SYNPO2: variants seen among roughly 807,000 people sequenced by gnomAD.
SYNPO2 encodes the protein synaptopodin-2.
In SYNPO2, 56 loss-of-function variants were observed where a neutral mutation model predicts 85.0. That is an observed-to-expected ratio of 0.66 (90% CI 0.53 to 0.82). The LOEUF (loss-of-function observed/expected upper bound fraction) is 0.82, where lower values mean the gene tolerates loss of function less well. Among genes scored for constraint, SYNPO2 ranks in the 40% least tolerant of loss-of-function variants. SYNPO2 has a pLI of 0.00. For missense variants in SYNPO2, 1,575 were observed against 1,534.2 expected (o/e 1.03, Z -0.44); for synonymous variants, 602 against 591.1 (o/e 1.02, Z -0.27).
chr4:118,866,701 C>G (rs928104428), intron 1 of SYNPO2, among the ~76,000 whole-genome samples: 1 of 152,140 alleles, frequency 6.6e-6, no homozygotes, highest in African/African-American at 2.4e-5. Context: ...AGAGTTTCCA[C>G]AAGATCTGGT....
chr4:118,917,612 G>T (rs1054872998), intron 1 of SYNPO2, among the ~76,000 whole-genome samples: 5 of 151,804 alleles, frequency 3.3e-5, no homozygotes, highest in African/African-American at 1.2e-4. Context: ...GAAACAATTT[G>T]GTCAAAACCA....
chr4:118,997,223 G>T (rs1197385941), intron 1 of SYNPO2, among the ~76,000 whole-genome samples: 1 of 100,600 alleles, frequency 9.9e-6, no homozygotes, highest in Non-Finnish European at 2.0e-5. Context: ...CTGGGCGACA[G>T]AGCGAGACTC....
intron 4 of SYNPO2, chr4:119,038,304 C>G (rs534097117): frequency 1.0e-6 from 1 of 985,006 alleles, no homozygotes; most frequent in Admixed American, 6.2e-5. Flanking sequence ...CTCAGAAAAT[C>G]AGATGCTATG....
chr4:118,900,723 A>ATGTCTG (rs1468599787), intron 1 of SYNPO2, among the ~76,000 whole-genome samples: 4 of 113,236 alleles, frequency 3.5e-5, no homozygotes, highest in African/African-American at 1.3e-4. Flanking sequence ...ATATATATAT[A>ATGTCTG]TATATATATG....
chr4:119,034,302 G>A, intron 4 of SYNPO2: 1 of 984,720 alleles, frequency 1.0e-6, no homozygotes, highest in Non-Finnish European at 1.2e-6. Flanking sequence ...CAGGTAGTCG[G>A]TTTGAGATCA....
At position 119,057,642 on chromosome 4, in the gene SYNPO2, G is replaced by T. The variant is rs765339636; in HGVS notation, c.3494G>T (p.Arg1165Leu). ...GTGGCAAATGTGGTTTCAGCAGCTCGGAGGAAGGTGCTTCCAGGGCCTCCA... is the reference window on the plus strand; with the variant it reads ...GTGGCAAATGTGGTTTCAGCAGCTCTGAGGAAGGTGCTTCCAGGGCCTCCA... ...SIVANVVSAA[R>L]RKVLPGPPED... The change falls in exon 5 of 5, where the codon CGG (arginine) becomes CTG (leucine). Residue 1165 changes from arginine to leucine, a missense_variant. By Grantham distance (102) the Arg-to-Leu change is moderately radical. This residue lies in a region of SYNPO2 where 1,508 missense variants were observed against 1,446.8 expected (regional missense o/e 1.04). Transcript: ENST00000307142. 5 of 1,613,976 alleles carry T rather than the reference G, an allele frequency of 3.1e-6. No individual in the cohort carries two copies. Among genetic ancestry groups the T allele is most frequent in the Non-Finnish European group, 4.2e-6 (5 of 1,180,030 alleles).
chr4:118,861,955 G>A (rs545284402), intron 1 of SYNPO2, among the ~76,000 whole-genome samples: 2 of 152,044 alleles, frequency 1.3e-5, no homozygotes, highest in East Asian at 3.9e-4. Flanking sequence ...TAACAATATT[G>A]ATTCTTCCAA....
At chr4:118,939,274 A>G (rs887809731) in intron 1 of SYNPO2, among the ~76,000 whole-genome samples, 2 of 152,150 alleles carry the variant, frequency 1.3e-5, no homozygotes, top group African/African-American at 4.8e-5. Flanking sequence ...CTATTTAGGA[A>G]TATTTTTTGA....
intron 1 of SYNPO2, among the ~76,000 whole-genome samples, chr4:119,018,740 T>A (rs1315555209): frequency 6.6e-6 from 1 of 152,090 alleles, no homozygotes; most frequent in Non-Finnish European, 1.5e-5. Flanking sequence ...TAAGATCTGG[T>A]GTTTTGTGGC....
intron 1 of SYNPO2, among the ~76,000 whole-genome samples, chr4:118,997,504 A>G (rs569866771): frequency 6.6e-6 from 1 of 152,312 alleles, no homozygotes; most frequent in South Asian, 2.1e-4. Context: ...GAAAAAACAT[A>G]TTGATAAGAC....
rs145113080 is a variant in SYNPO2, at chr4:118,922,681, C to CTT, written c.105+33552_105+33553dup. 5.2e-3 allele frequency among the ~76,000 whole-genome samples: 742 copies of CTT among 142,666 alleles called. 12 individuals carry two copies. Among genetic ancestry groups the CTT allele is most frequent in the African/African-American group, 0.018 (708 of 38,898 alleles). The allele number at this position is 142,666 out of a possible 152,430, so 93.6% of individuals were successfully genotyped here. ...AACCAAAGAGGGTTAAGGTAACAGC[C>CTT]TTTTTTTTTTTTTAGAAGATCAACT... On this transcript the variant is annotated intron_variant, in intron 1 of 4. Coordinates refer to ENST00000307142, the MANE Select transcript of SYNPO2 (RefSeq NM_133477.3).
chr4:118,992,435 A>G lies in SYNPO2; in HGVS notation c.106-30995A>G, dbSNP rs1736449912. Among the ~76,000 whole-genome samples, 3 of 152,272 alleles carry G rather than the reference A, an allele frequency of 2.0e-5. No homozygotes were observed. The Middle Eastern group carries it at 0.01, about 518-fold the overall frequency. ...ATCAAGGATGACAATGAGGTTTCCA[A>G]TTTCGGAAGCACACATTCCAGGAGC... On this transcript the variant is annotated intron_variant, in intron 1 of 4. Coordinates refer to ENST00000307142, the MANE Select transcript of SYNPO2 (RefSeq NM_133477.3).
In SYNPO2 at chr4:119,031,795, C is replaced by T. The variant is rs764609361; in HGVS notation, c.3020C>T (p.Pro1007Leu). The T allele has an allele frequency of 6.2e-7, 1 of 1,614,172 alleles. No individual in the cohort carries two copies. The highest frequency in any genetic ancestry group is 8.5e-7 in the Non-Finnish European group (1 of 1,180,032). ...GCCCTGGCCATGAAGCAAGCTCTTC[C>T]TCCCCGGCCAGTGAATGCTGCCTCA... ...NSALAMKQAL[P>L]PRPVNAASPT... Residue 1007 changes from proline (P) to leucine (L), a missense_variant, in exon 4 of 5, where the codon CCT becomes CTT. By Grantham distance (98) the Pro-to-Leu change is moderately conservative. Transcript: ENST00000307142.
chr4:119,052,339 G>GTTA (rs1286646663), intron 4 of SYNPO2, among the ~76,000 whole-genome samples: 2 of 152,124 alleles, frequency 1.3e-5, no homozygotes, highest in African/African-American at 4.8e-5. Flanking sequence ...AGCTTCCTAA[G>GTTA]GGAGCATATA....
intron 1 of SYNPO2, among the ~76,000 whole-genome samples, chr4:118,875,656 C>G: frequency 6.6e-6 from 1 of 152,198 alleles, no homozygotes; most frequent in Non-Finnish European, 1.5e-5. Flanking sequence ...GAATCCTTCA[C>G]TGACATTTTT....
upstream of SYNPO2, among the ~76,000 whole-genome samples, chr4:118,884,756 A>G (rs1157894401): frequency 6.6e-6 from 1 of 152,168 alleles, no homozygotes; most frequent in East Asian, 1.9e-4. Context: ...GGGAACTCTT[A>G]TTTATTTTTT....
intron 1 of SYNPO2, among the ~76,000 whole-genome samples, chr4:118,916,388 G>A (rs1185464597): frequency 6.6e-6 from 1 of 151,872 alleles, no homozygotes; most frequent in African/African-American, 2.4e-5. Flanking sequence ...GGCCAGGCTG[G>A]TCTCGACCTC....
chr4:119,013,235 C>T (rs1413251879), intron 1 of SYNPO2, among the ~76,000 whole-genome samples: 1 of 152,160 alleles, frequency 6.6e-6, no homozygotes, highest in African/African-American at 2.4e-5. Flanking sequence ...TACTGTCATA[C>T]ATTTGGCTTA....
intron 1 of SYNPO2, chr4:119,006,526 G>C (rs908928616): frequency 2.0e-5 from 3 of 152,128 alleles, no homozygotes; most frequent in African/African-American, 7.2e-5. Flanking sequence ...ATAAAGGAAT[G>C]CATTTTGGGA....
Sources: allele counts gnomAD v4.1 joint callset (sites outside exome capture counted in the v4.1 genomes callset), GRCh38; gene constraint gnomAD v4.1.1; regional missense constraint gnomAD v4.1.1; transcripts MANE v1.5; gene names NCBI Gene and HGNC (gene_info 2026-07-23, HGNC 2026-07-21).